The following ARMH4 variants were observed in gnomAD, a reference collection of about 807,000 sequenced individuals.
ARMH4 encodes armadillo-like helical domain-containing protein 4.
A neutral mutation model predicts 61.9 loss-of-function variants in ARMH4; 49 were observed. The ratio of observed to expected loss-of-function variants is 0.79; its 90% CI spans 0.63 to 1.00. The LOEUF (loss-of-function observed/expected upper bound fraction) is 1.00. Among genes scored for constraint, ARMH4 ranks in the 50% least tolerant of loss-of-function variants. ARMH4 has a pLI of 0.00. For missense variants in ARMH4, 934 were observed against 930.0 expected, an observed-to-expected ratio of 1.00 and a Z score of -0.06; for synonymous variants, 368 against 341.5, an observed-to-expected ratio of 1.08 and a Z score of -0.85.
At chr14:58,011,921 A>C (rs1882423299) in intron 6 of ARMH4, among the ~76,000 whole-genome samples, 198 bp downstream of exon 6, 1 of 152,216 alleles carries the variant, frequency 6.6e-6, no homozygotes, top group Non-Finnish European at 1.5e-5. Context: ...CCAAAGAATA[A>C]GGTGTCTCCT....
intron 5 of ARMH4, among the ~76,000 whole-genome samples, chr14:58,082,847 A>G (rs1885269600): frequency 6.6e-6 from 1 of 152,194 alleles, no homozygotes; most frequent in African/African-American, 2.4e-5. Context: ...AGGCTGCTTC[A>G]GGTAAATGAT....
At position 58,131,663 on chromosome 14, in the gene ARMH4, T is replaced by C; in HGVS notation, c.1680A>G (p.Pro560=). Reference sequence around the variant, plus strand: ...CCACCATTATTCCAGGAGGTGTCACTGGAGATCCCAGAACTGGTGTGAACT... The same window carrying C: ...CCACCATTATTCCAGGAGGTGTCACCGGAGATCCCAGAACTGGTGTGAACT... ...NEEFTPVLGS[P]VTPPGIMVGE... Residue 560 remains proline, a synonymous_variant, in exon 4 of 8, where the codon CCA becomes CCG. Transcript: ENST00000267485. 1 of 1,614,026 alleles carries C rather than the reference T, an allele frequency of 6.2e-7. No individual in the cohort carries two copies. Among genetic ancestry groups the C allele is most frequent in the South Asian group, 1.1e-5 (1 of 91,076 alleles).
At chr14:58,032,784 A>G (rs947451434) in intron 5 of ARMH4, among the ~76,000 whole-genome samples, 44 of 152,286 alleles carry the variant, frequency 2.9e-4, no homozygotes, top group South Asian at 1.5e-3. Context: ...TCAAAGAAAG[A>G]GGTGACGGAC....
intron 5 of ARMH4, among the ~76,000 whole-genome samples, chr14:58,024,958 T>C (rs534381673): frequency 7.2e-5 from 11 of 151,998 alleles, no homozygotes; most frequent in African/African-American, 4.8e-5. Flanking sequence ...AGACCACTGA[T>C]CACAGATCAC....
At chr14:58,051,520 T>C (rs1311579763) in intron 5 of ARMH4, among the ~76,000 whole-genome samples, 1 of 152,134 alleles carries the variant, frequency 6.6e-6, no homozygotes, top group Non-Finnish European at 1.5e-5. Flanking sequence ...AAGGAATAGT[T>C]CCACCAAAGA....
chr14:58,075,093 G>A (rs541231360), intron 5 of ARMH4, among the ~76,000 whole-genome samples: 1 of 152,280 alleles, frequency 6.6e-6, no homozygotes, highest in Admixed American at 6.5e-5. Context: ...TAAAAAGTCA[G>A]GAAACAAAAC....
intron 4 of ARMH4, among the ~76,000 whole-genome samples, chr14:58,123,574 C>T (rs1303950881): frequency 6.6e-6 from 1 of 152,166 alleles, no homozygotes; most frequent in Non-Finnish European, 1.5e-5. Context: ...CCAGCTGTAC[C>T]TAACCCTCAT....
At chr14:58,080,425 G>A (rs376987274) in intron 5 of ARMH4, among the ~76,000 whole-genome samples, 10 of 152,098 alleles carry the variant, frequency 6.6e-5, no homozygotes, top group African/African-American at 1.7e-4. Flanking sequence ...CACTGTGCCC[G>A]GTCAAAACTA....
At chr14:58,048,263 C>T (rs1159484528) in intron 5 of ARMH4, among the ~76,000 whole-genome samples, 4 of 152,122 alleles carry the variant, frequency 2.6e-5, no homozygotes, top group Admixed American at 6.6e-5. Flanking sequence ...TTCTCATCTG[C>T]CAGGCCTATA....
intron 5 of ARMH4, among the ~76,000 whole-genome samples, chr14:58,027,895 T>A (rs1249901289): frequency 1.3e-5 from 2 of 152,300 alleles, no homozygotes; most frequent in East Asian, 3.9e-4. Context: ...AAGGCAGAAC[T>A]TTTCTGCCAT....
chr14:58,048,376 T>C (rs1884008884), intron 5 of ARMH4, among the ~76,000 whole-genome samples: 1 of 152,214 alleles, frequency 6.6e-6, no homozygotes, highest in South Asian at 2.1e-4. Context: ...AAAGATTAAA[T>C]GGTTGTGCGA....
intron 5 of ARMH4, among the ~76,000 whole-genome samples, chr14:58,093,678 A>G (rs1885648365): frequency 6.6e-6 from 1 of 152,154 alleles, no homozygotes; most frequent in African/African-American, 2.4e-5. Flanking sequence ...GAACCATTTA[A>G]TATTGATCCA....
chr14:58,096,204 T>C (rs1287641628), intron 5 of ARMH4, among the ~76,000 whole-genome samples: 1 of 152,108 alleles, frequency 6.6e-6, no homozygotes, highest in East Asian at 1.9e-4. Flanking sequence ...AACAGAAAAA[T>C]CATGGGACTG....
At chr14:58,054,843 G>A (rs1447985887) in intron 5 of ARMH4, among the ~76,000 whole-genome samples, 2 of 148,520 alleles carry the variant, frequency 1.3e-5, no homozygotes, top group African/African-American at 2.5e-5. Context: ...TGCCACTCCA[G>A]TGTGTGCAAG....
At chr14:58,114,041 G>A (rs1886438514) in intron 4 of ARMH4, among the ~76,000 whole-genome samples, 1 of 152,026 alleles carries the variant, frequency 6.6e-6, no homozygotes, top group Middle Eastern at 3.4e-3. Context: ...TGTCTTTTCT[G>A]CTGACTGTCA....
intron 1 of ARMH4, among the ~76,000 whole-genome samples, chr14:58,144,383 G>A (rs1483339020): frequency 6.6e-6 from 1 of 152,026 alleles, no homozygotes; most frequent in East Asian, 1.9e-4. Flanking sequence ...GAGCAACATG[G>A]CAAATCTCAT....
intron 1 of ARMH4, among the ~76,000 whole-genome samples, chr14:58,139,637 G>C (rs1475490899): frequency 6.6e-6 from 1 of 152,056 alleles, no homozygotes. Flanking sequence ...CCTAGAAAAA[G>C]GTACACATAG....
chr14:58,096,522 G>T (rs1224229726), intron 5 of ARMH4, among the ~76,000 whole-genome samples: 2 of 152,080 alleles, frequency 1.3e-5, no homozygotes, highest in Non-Finnish European at 2.9e-5. Flanking sequence ...AGAAATAAGT[G>T]ATCATTTTTA....
intron 4 of ARMH4, among the ~76,000 whole-genome samples, chr14:58,108,591 T>C (rs1233003924): frequency 1.3e-5 from 2 of 152,244 alleles, no homozygotes; most frequent in Non-Finnish European, 2.9e-5. Flanking sequence ...TCACGATATA[T>C]GCTGTTCATT....
Sources: gnomAD v4.1 joint callset for allele counts (sites outside exome capture counted in the v4.1 genomes callset) on GRCh38, gnomAD v4.1.1 for gene constraint, MANE v1.5 for transcripts, NCBI Gene and HGNC (gene_info 2026-07-23, HGNC 2026-07-21) for gene names.